Variants in PPFIBP1 observed in about 807,000 individuals in gnomAD.
PPFIBP1 encodes the protein liprin-beta-1.
In PPFIBP1, 112 loss-of-function variants were observed where a neutral mutation model predicts 137.8. The ratio of observed to expected loss-of-function variants is 0.81; its 90% CI spans 0.70 to 0.95. The LOEUF (loss-of-function observed/expected upper bound fraction) is 0.95, where lower values mean the gene tolerates loss of function less well. Ranked by LOEUF, PPFIBP1 falls within the 40% of genes least tolerant of loss-of-function variation. The pLI, the probability that PPFIBP1 is intolerant of heterozygous loss-of-function variation, is 0.00. For synonymous variants in PPFIBP1, 378 were observed against 417.3 expected, an observed-to-expected ratio of 0.91 and a Z score of 1.15; for missense variants, 1,083 against 1,196.6, an observed-to-expected ratio of 0.91 and a Z score of 1.40.
intron 2 of PPFIBP1, among the ~76,000 whole-genome samples, chr12:27,627,603 C>A (rs548303261): frequency 5.5e-4 from 83 of 152,242 alleles, no homozygotes; most frequent in African/African-American, 2.0e-3. Flanking sequence ...TTTCTTATGG[C>A]CTTTCTTTTC....
At chr12:27,676,856 A>G (rs2060545064) in intron 18 of PPFIBP1, 5 of 755,842 alleles carry the variant, frequency 6.6e-6, no homozygotes, top group Admixed American at 4.1e-5. Context: ...CTTTGACTTC[A>G]TCATGGAGTT....
intron 1 of PPFIBP1, among the ~76,000 whole-genome samples, chr12:27,557,472 T>C (rs1036295698): frequency 4.6e-5 from 7 of 152,082 alleles, no homozygotes; most frequent in African/African-American, 1.7e-4. Context: ...CCTGACCTCG[T>C]GATCCACCCG....
rs762700097 is a variant in PPFIBP1, at chr12:27,681,685, G to A, written c.2035G>A (p.Asp679Asn). Reference sequence around the variant, plus strand: ...AACGCTTTTGCAGGCTTCTCAACAAGATCTAGAGAAGGTGACTGCTTCTCT... The same window carrying A: ...AACGCTTTTGCAGGCTTCTCAACAAAATCTAGAGAAGGTGACTGCTTCTCT... ...GQTLLQASQQ[D>N]LEKELGIKHS... Residue 679 changes from aspartate to asparagine, a missense_variant, in exon 22 of 30, where the codon GAT becomes AAT. Coordinates refer to ENST00000228425, the MANE Select transcript of PPFIBP1 (RefSeq NM_003622.4). The A allele has an allele frequency of 1.9e-6, 3 of 1,613,948 alleles. No individual in the cohort carries two copies. In the African/African-American group the frequency reaches 4.0e-5, roughly 22 times the overall value.
intron 1 of PPFIBP1, chr12:27,549,122 G>T (rs900247706): frequency 6.6e-6 from 1 of 152,106 alleles, no homozygotes; most frequent in African/African-American, 2.4e-5. Flanking sequence ...AAACTAAAAA[G>T]CTCTCAAGAA....
chr12:27,556,409 C>G lies in PPFIBP1; in HGVS notation c.-123-21743C>G, dbSNP rs531812194. Among the ~76,000 whole-genome samples the G allele has an allele frequency of 3.9e-5, 6 of 152,330 alleles. No individual in the cohort carries two copies. In the South Asian group the frequency reaches 1.0e-3, roughly 26 times the overall value. ...AACCAGTTTCAGGCGTCACACCAAA[C>G]AGGAGCTATCATGGTAATACCCAGA... is the stretch of plus-strand genomic sequence containing the variant. On this transcript the variant is annotated intron_variant, in intron 1 of 29. Coordinates refer to ENST00000228425, the MANE Select transcript of PPFIBP1 (RefSeq NM_003622.4).
chr12:27,606,188 C>T, intron 2 of PPFIBP1, among the ~76,000 whole-genome samples: 1 of 152,300 alleles, frequency 6.6e-6, no homozygotes, highest in East Asian at 1.9e-4. Flanking sequence ...TTGTCATTTT[C>T]TCTTTTGTTT....
At chr12:27,551,188 A>G (rs388923) in intron 1 of PPFIBP1, among the ~76,000 whole-genome samples, 150,287 of 152,168 alleles carry the variant, frequency 0.99, 74,240 homozygotes, top group East Asian at 1. Context: ...ACCTGGTTTG[A>G]GTTCCAGAAG....
At chr12:27,545,034 A>G (rs1592358432) in intron 1 of PPFIBP1, among the ~76,000 whole-genome samples, 1 of 152,236 alleles carries the variant, frequency 6.6e-6, no homozygotes, top group East Asian at 1.9e-4. Flanking sequence ...CACATACACA[A>G]CATGGAATAC....
chr12:27,605,101 A>T (rs773003254), intron 2 of PPFIBP1, among the ~76,000 whole-genome samples: 1 of 152,168 alleles, frequency 6.6e-6, no homozygotes, highest in African/African-American at 2.4e-5. Flanking sequence ...GGGGACACAG[A>T]GTCAAACCAT....
At chr12:27,667,632 T>G (rs1254167693) in intron 13 of PPFIBP1, among the ~76,000 whole-genome samples, 1 of 152,240 alleles carries the variant, frequency 6.6e-6, no homozygotes, top group Non-Finnish European at 1.5e-5. Flanking sequence ...ACACCGAAAC[T>G]TTGTGGCTTC....
intron 12 of PPFIBP1, 127 bp from the exon 13 acceptor site, chr12:27,667,039 C>A: frequency 1.0e-6 from 1 of 968,510 alleles, no homozygotes; most frequent in Non-Finnish European, 1.4e-6. Context: ...CCAGGAGAAG[C>A]TGACTCTGAT....
intron 2 of PPFIBP1, among the ~76,000 whole-genome samples, chr12:27,610,372 T>A (rs1412220531): frequency 1.3e-5 from 2 of 152,210 alleles, no homozygotes; most frequent in Admixed American, 6.5e-5. Context: ...GCTAGCTCTG[T>A]AGCTGTTTTT....
intron 4 of PPFIBP1, chr12:27,637,087 C>T (rs2057733105): frequency 6.6e-6 from 1 of 152,324 alleles, no homozygotes; most frequent in Non-Finnish European, 1.5e-5. Context: ...CTTACATCTC[C>T]CTGCTTATTT....
chr12:27,676,405 C>T, intron 17 of PPFIBP1, 23 bp from the exon 18 acceptor site: 1 of 1,457,102 alleles, frequency 6.9e-7, no homozygotes, highest in Non-Finnish European at 9.1e-7. Context: ...AGAGCTGTTT[C>T]ACTATTCTTA....
At chr12:27,550,550 T>C (rs1226088711) in intron 1 of PPFIBP1, among the ~76,000 whole-genome samples, 2 of 152,190 alleles carry the variant, frequency 1.3e-5, no homozygotes, top group African/African-American at 2.4e-5. Context: ...TTATTCGTGC[T>C]TTATGACAAC....
chr12:27,646,224 A>T, intron 5 of PPFIBP1, 76 bp downstream of exon 5: 2 of 1,157,220 alleles, frequency 1.7e-6, no homozygotes. Context: ...GCAAATTCAG[A>T]TTGCTTGCAG....
intron 2 of PPFIBP1, among the ~76,000 whole-genome samples, chr12:27,598,701 G>C (rs753596235): frequency 6.6e-6 from 1 of 152,042 alleles, no homozygotes; most frequent in South Asian, 2.1e-4. Flanking sequence ...GCAATGACAC[G>C]CATCATCCTT....
At chr12:27,558,596 A>AAC (rs71039821) in intron 1 of PPFIBP1, among the ~76,000 whole-genome samples, 43,192 of 118,540 alleles carry the variant, frequency 0.36, 6,346 homozygotes, top group Middle Eastern at 0.42. Flanking sequence ...CCTCTCCACC[A>AAC]ACACACACAC....
Position 27,646,161 on chromosome 12 carries a change from T to C in PPFIBP1, c.357+13T>C, listed in dbSNP as rs2058467436. The C allele has an allele frequency of 6.3e-7, 1 of 1,576,344 alleles. No homozygotes were observed. The highest frequency in any genetic ancestry group is 8.7e-7 in the Non-Finnish European group (1 of 1,146,744). On this transcript the variant is annotated intron_variant, in intron 5 of 29. Transcript: ENST00000228425. ...CCTCGTTCTTCAGGCAAGTGATTTT[T>C]AAATACTGTTCTTTCCTTGCAGCAT... is the stretch of plus-strand genomic sequence containing the variant.
Sources: gnomAD v4.1 joint callset for allele counts (sites outside exome capture counted in the v4.1 genomes callset) on GRCh38, gnomAD v4.1.1 for gene constraint, MANE v1.5 for transcripts, NCBI Gene and HGNC (gene_info 2026-07-23, HGNC 2026-07-21) for gene names.